The following DPYS variants were observed in gnomAD, a reference collection of about 807,000 sequenced individuals.
DPYS encodes the protein dihydropyrimidine amidohydrolase.
DPYS carries 39 observed loss-of-function variants against 50.3 expected under a neutral mutation model. The observed-to-expected ratio is 0.78, with a 90% confidence interval of 0.60 to 1.01. The LOEUF (loss-of-function observed/expected upper bound fraction) is 1.01, where lower values mean the gene tolerates loss of function less well. Ranked by LOEUF, DPYS falls within the 50% of genes least tolerant of loss-of-function variation. The pLI is 0.00. For synonymous variants in DPYS, 245 were observed against 250.7 expected (o/e 0.98, Z 0.22); for missense variants, 659 against 680.9 (o/e 0.97, Z 0.36).
intron 6 of DPYS, among the ~76,000 whole-genome samples, chr8:104,427,137 G>C: frequency 6.7e-6 from 1 of 148,308 alleles, no homozygotes; most frequent in African/African-American, 2.5e-5. Flanking sequence ...GGAGGTGGAG[G>C]TTGCAGTGAG....
intron 1 of DPYS, among the ~76,000 whole-genome samples, chr8:104,455,968 T>C (rs545732187): frequency 7.2e-4 from 110 of 152,312 alleles, no homozygotes; most frequent in African/African-American, 2.6e-3. Flanking sequence ...CCATGTACCA[T>C]AATGGTGTTT....
Position 104,466,817 on chromosome 8 carries a change from A to G in DPYS, c.104T>C (p.Leu35Pro). 1 of 1,533,672 alleles carries G rather than the reference A, an allele frequency of 6.5e-7. No homozygotes were observed. The highest frequency in any genetic ancestry group is 8.7e-7 in the Non-Finnish European group (1 of 1,145,528). Reference sequence around the variant, plus strand: ...CCCGGGAGGCAGCAGGTCGTGCCCGAGTGCCCGCACCACGCCGTCCTCCAC... The same window carrying G: ...CCCGGGAGGCAGCAGGTCGTGCCCGGGTGCCCGCACCACGCCGTCCTCCAC... Reference protein sequence around the residue: ...VLVEDGVVRALGHDLLPPGGA... With the variant: ...VLVEDGVVRAPGHDLLPPGGA... The change falls in exon 1 of 10, where the codon CTC (leucine) becomes CCC (proline). Residue 35 changes from leucine to proline, a missense_variant. Coordinates refer to ENST00000351513, the MANE Select transcript of DPYS (RefSeq NM_001385.3).
chr8:104,432,764 T>A (rs1205492030), intron 4 of DPYS, among the ~76,000 whole-genome samples: 1 of 152,160 alleles, frequency 6.6e-6, no homozygotes, highest in African/African-American at 2.4e-5. Flanking sequence ...TGAAATGGGA[T>A]CATAGTGTCC....
intron 8 of DPYS, among the ~76,000 whole-genome samples, chr8:104,391,821 G>A (rs1020538667): frequency 5.3e-5 from 8 of 151,864 alleles, no homozygotes; most frequent in African/African-American, 1.7e-4. Flanking sequence ...TGTTGTCCAG[G>A]CTGTTCTCAA....
chr8:104,429,991 C>G (rs1480937440), intron 4 of DPYS, among the ~76,000 whole-genome samples: 1 of 152,030 alleles, frequency 6.6e-6, no homozygotes, highest in Non-Finnish European at 1.5e-5. Flanking sequence ...TCTAATGAAA[C>G]CTTCTCCAAA....
chr8:104,421,071 G>A (rs1277517104), intron 7 of DPYS: 5 of 152,166 alleles, frequency 3.3e-5, no homozygotes, highest in East Asian at 1.9e-4. Context: ...AATGGCCTTC[G>A]ATGGATCTGG....
At chr8:104,464,423 A>T (rs1191816849) in intron 1 of DPYS, among the ~76,000 whole-genome samples, 1 of 152,210 alleles carries the variant, frequency 6.6e-6, no homozygotes, top group Admixed American at 6.5e-5. Context: ...TTGCTGCTTC[A>T]TCTGGAACCC....
At chr8:104,419,091 C>G in intron 7 of DPYS, 1 of 984,608 alleles carries the variant, frequency 1.0e-6, no homozygotes, top group Non-Finnish European at 1.2e-6. Context: ...ATAAGACCAG[C>G]GAGACAGTTC....
intron 1 of DPYS, among the ~76,000 whole-genome samples, chr8:104,452,867 A>G (rs1813797640): frequency 6.6e-6 from 1 of 151,828 alleles, no homozygotes; most frequent in Admixed American, 6.7e-5. Context: ...ATAAAAATAA[A>G]GTGCTTAGTA....
intron 9 of DPYS, chr8:104,380,560 A>C (rs565189887): frequency 1.3e-5 from 2 of 153,344 alleles, no homozygotes; most frequent in Admixed American, 1.3e-4. Context: ...GAAGAAAGAA[A>C]ATTGACAAGG....
At chr8:104,393,670 A>G (rs1238362823) in intron 7 of DPYS, among the ~76,000 whole-genome samples, 1 of 152,254 alleles carries the variant, frequency 6.6e-6, no homozygotes, top group Non-Finnish European at 1.5e-5. Flanking sequence ...TCAATCCTAC[A>G]TAATACGATT....
At chr8:104,444,116 TA>T in intron 4 of DPYS, 131 bp downstream of exon 4, 1 of 975,484 alleles carries the variant, frequency 1.0e-6, no homozygotes. Flanking sequence ...ACCAGGAGGC[TA>T]ATAAAAAGGG....
intron 7 of DPYS, among the ~76,000 whole-genome samples, chr8:104,413,838 A>C (rs1356395973): frequency 6.6e-6 from 1 of 152,198 alleles, no homozygotes; most frequent in Non-Finnish European, 1.5e-5. Flanking sequence ...AGGCAGGAAC[A>C]TGTCTAGTTC....
chr8:104,446,961 C>T (rs1813550578), intron 3 of DPYS, among the ~76,000 whole-genome samples: 1 of 152,180 alleles, frequency 6.6e-6, no homozygotes, highest in Non-Finnish European at 1.5e-5. Flanking sequence ...CTTTGGTATT[C>T]TGAACCAGCA....
At chr8:104,429,252 GTGTAATGAAGAGCCC>G in intron 5 of DPYS, 1 of 410,324 alleles carries the variant, frequency 2.4e-6, no homozygotes, top group East Asian at 4.8e-5. Context: ...AAAAAGTAAG[GTGTAATGAAGAGCCC>G]TGGGTTTGGG....
chr8:104,456,864 G>A (rs972020934), intron 1 of DPYS, among the ~76,000 whole-genome samples: 6 of 152,124 alleles, frequency 3.9e-5, no homozygotes, highest in African/African-American at 1.4e-4. Flanking sequence ...GAAATGCAGT[G>A]GAACAGAAAT....
chr8:104,440,971 A>T (rs891325773), intron 4 of DPYS, among the ~76,000 whole-genome samples: 1 of 152,186 alleles, frequency 6.6e-6, no homozygotes, highest in African/African-American at 2.4e-5. Flanking sequence ...CTCTTGTCCC[A>T]CAGTACTACC....
chr8:104,384,598 C>A (rs1320460331), intron 8 of DPYS, among the ~76,000 whole-genome samples: 1 of 152,166 alleles, frequency 6.6e-6, no homozygotes, highest in Admixed American at 6.6e-5. Flanking sequence ...AGGAACTGCC[C>A]AGCCTGACAC....
At chr8:104,440,981 C>T (rs746124339) in intron 4 of DPYS, among the ~76,000 whole-genome samples, 4 of 152,128 alleles carry the variant, frequency 2.6e-5, no homozygotes, top group Non-Finnish European at 4.4e-5. Flanking sequence ...ACAGTACTAC[C>T]CAGGGATCTG....
Sources: allele counts gnomAD v4.1 joint callset (sites outside exome capture counted in the v4.1 genomes callset), GRCh38; gene constraint gnomAD v4.1.1; transcripts MANE v1.5; gene names NCBI Gene and HGNC (gene_info 2026-07-23, HGNC 2026-07-21).